EPM2A: variants seen among roughly 807,000 people sequenced by gnomAD.
EPM2A encodes EPM2A glucan phosphatase, laforin.
Under a neutral mutation model 26.5 loss-of-function variants are expected in EPM2A, and 21 were observed. That is an observed-to-expected ratio of 0.79 (90% CI 0.56 to 1.14). The LOEUF is 1.14. Among genes scored for constraint, EPM2A ranks in the 50% most tolerant of loss-of-function variants. The pLI is 0.00. For synonymous variants in EPM2A, 217 were observed against 177.6 expected (o/e 1.22, Z -1.76); for missense variants, 458 against 440.8 (o/e 1.04, Z -0.35).
chr6:145,720,709 G>A (rs1043338985), intron 1 of EPM2A, among the ~76,000 whole-genome samples: 42 of 152,176 alleles, frequency 2.8e-4, no homozygotes, highest in African/African-American at 9.7e-4. Context: ...AGGCATGAAT[G>A]TAAATGTTAT....
chr6:145,660,627 C>A (rs1023374545), intron 2 of EPM2A, among the ~76,000 whole-genome samples: 5 of 152,024 alleles, frequency 3.3e-5, no homozygotes, highest in African/African-American at 9.7e-5. Context: ...CATGATGAAA[C>A]CCTGTTTCCA....
At chr6:145,488,495 T>TTTTGTGTG (rs1554242972) in intron 4 of EPM2A, among the ~76,000 whole-genome samples, 1 of 131,948 alleles carries the variant, frequency 7.6e-6, no homozygotes, top group Non-Finnish European at 1.6e-5. Flanking sequence ...ATTTGTGTGG[T>TTTTGTGTG]TGTGTGTGTG....
intron 4 of EPM2A, among the ~76,000 whole-genome samples, chr6:145,465,506 C>T (rs978908278): frequency 2.7e-4 from 38 of 139,868 alleles, no homozygotes; most frequent in African/African-American, 8.8e-4. Flanking sequence ...TGTTCCGTTG[C>T]TGGTGAGGAA....
chr6:145,499,913 T>C (rs1159472509), downstream of EPM2A, among the ~76,000 whole-genome samples: 1 of 152,170 alleles, frequency 6.6e-6, no homozygotes, highest in East Asian at 1.9e-4. Flanking sequence ...TTTTCTCTGT[T>C]CCTGGAGCAC....
At chr6:145,691,099 T>C (rs940330750) in intron 1 of EPM2A, among the ~76,000 whole-genome samples, 1 of 151,246 alleles carries the variant, frequency 6.6e-6, no homozygotes, top group Non-Finnish European at 1.5e-5. Context: ...CTTAAGAAAA[T>C]AATGCCGGAA....
chr6:145,520,817 G>A (rs147209124), intron 2 of EPM2A, among the ~76,000 whole-genome samples: 4 of 152,272 alleles, frequency 2.6e-5, no homozygotes, highest in African/African-American at 9.6e-5. Flanking sequence ...CTAAGGGACG[G>A]GTAGTTAGGG....
rs1362241033 is a variant in EPM2A at position 145,419,180 on chromosome 6, TC to T, written c.556-35084del. Among the ~76,000 whole-genome samples the T allele has an allele frequency of 5.4e-3, 157 of 29,212 alleles. 2 individuals carry two copies. Among genetic ancestry groups the T allele is most frequent in the African/African-American group, 0.015 (119 of 7,986 alleles). 19.2% of individuals were successfully genotyped at this position (29,212 alleles called of 152,430 possible). A position where few individuals can be genotyped will look rare whatever the true frequency, so the allele number is the denominator to read the frequency against. On this transcript the variant is annotated intron_variant, in intron 4 of 4. Coordinates refer to the EPM2A transcript ENST00000638717. ...TTGCCCAAGCAAATTCTGTTAAATG[TC>T]CCCCCCCCCCGCTCCTTTCCCCAGC...
At chr6:145,490,205 C>A in intron 4 of EPM2A, 1 of 1,084,342 alleles carries the variant, frequency 9.2e-7, no homozygotes, top group Non-Finnish European at 1.3e-6. Flanking sequence ...ACTGAGATGC[C>A]TCATTAATTT....
chr6:145,422,167 T>C (rs1395453390), intron 4 of EPM2A, among the ~76,000 whole-genome samples: 1 of 146,202 alleles, frequency 6.8e-6, no homozygotes, highest in Non-Finnish European at 1.5e-5. Flanking sequence ...AATATATTTA[T>C]ATTATAAAAT....
chr6:145,414,113 G>C (rs1458029161), intron 4 of EPM2A, among the ~76,000 whole-genome samples: 1 of 152,104 alleles, frequency 6.6e-6, no homozygotes, highest in Non-Finnish European at 1.5e-5. Context: ...TCTTCCTCTT[G>C]GGCAGGATGG....
intron 1 of EPM2A, among the ~76,000 whole-genome samples, chr6:145,728,675 A>T (rs1562528232): frequency 6.6e-6 from 1 of 152,222 alleles, no homozygotes; most frequent in Non-Finnish European, 1.5e-5. Context: ...ACTGGAACTT[A>T]TACTTAAAAG....
In EPM2A at chr6:145,431,203, G is replaced by T. The variant is rs1404396755; in HGVS notation, c.556-47106C>A. ...TGCTGTTTTACAGACCAGGGTCAAG[G>T]GTCAAAGATTTTGCAAAAGAGAACA... is the stretch of plus-strand genomic sequence containing the variant. On this transcript the variant is annotated intron_variant, in intron 4 of 4. Transcript: ENST00000638717. Among the ~76,000 whole-genome samples the T allele has an allele frequency of 2.6e-5, 4 of 152,210 alleles. No homozygotes were observed. In the East Asian group the frequency reaches 7.7e-4, roughly 29 times the overall value.
chr6:145,635,205 C>T (rs1776554951), intron 3 of EPM2A, 40 bp downstream of exon 3: 2 of 1,613,182 alleles, frequency 1.2e-6, no homozygotes, highest in African/African-American at 2.7e-5. Context: ...AAGGGTTTCT[C>T]TGAAATACAG....
intron 4 of EPM2A, among the ~76,000 whole-genome samples, chr6:145,415,699 A>C (rs550273247): frequency 3.3e-5 from 5 of 152,150 alleles, no homozygotes; most frequent in Non-Finnish European, 4.4e-5. Flanking sequence ...TGTAATGTAC[A>C]TTATCTTATC....
intron 2 of EPM2A, among the ~76,000 whole-genome samples, chr6:145,550,061 T>A (rs1780634092): frequency 6.6e-6 from 1 of 152,156 alleles, no homozygotes; most frequent in African/African-American, 2.4e-5. Flanking sequence ...GTATAGCTTT[T>A]GAAGGAACTC....
intron 1 of EPM2A, among the ~76,000 whole-genome samples, chr6:145,710,141 T>A (rs1481184357): frequency 6.6e-6 from 1 of 151,932 alleles, no homozygotes; most frequent in Non-Finnish European, 1.5e-5. Context: ...CTAAAGAGCT[T>A]CTGCACAGCA....
intron 2 of EPM2A, among the ~76,000 whole-genome samples, chr6:145,669,400 A>C (rs1221403149): frequency 6.6e-6 from 1 of 152,234 alleles, no homozygotes; most frequent in African/African-American, 2.4e-5. Flanking sequence ...TCCACAAAAG[A>C]GTGGACTATG....
intron 1 of EPM2A, among the ~76,000 whole-genome samples, chr6:145,687,188 A>G (rs921743645): frequency 1.3e-5 from 2 of 152,114 alleles, no homozygotes; most frequent in African/African-American, 4.8e-5. Flanking sequence ...TAGGTCATGA[A>G]GAAGAACCCT....
At chr6:145,389,153 C>G (rs770068952) in intron 4 of EPM2A, among the ~76,000 whole-genome samples, 1 of 151,804 alleles carries the variant, frequency 6.6e-6, no homozygotes, top group Non-Finnish European at 1.5e-5. Flanking sequence ...AAAATGCAAC[C>G]CCCTCTTCTC....
Sources: allele counts gnomAD v4.1 joint callset (sites outside exome capture counted in the v4.1 genomes callset), GRCh38; gene constraint gnomAD v4.1.1; transcripts MANE v1.5; gene names NCBI Gene and HGNC (gene_info 2026-07-23, HGNC 2026-07-21).